The following GRIP1 variants were observed in gnomAD, a reference collection of about 807,000 sequenced individuals.
The protein encoded by GRIP1 is glutamate receptor interacting protein 1.
A neutral mutation model predicts 129.9 loss-of-function variants in GRIP1; 45 were observed. The ratio of observed to expected loss-of-function variants is 0.35; its 90% CI spans 0.27 to 0.44. The LOEUF is 0.44. Among genes scored for constraint, GRIP1 ranks in the 20% least tolerant of loss-of-function variants. The pLI, the probability that GRIP1 is intolerant of heterozygous loss-of-function variation, is 1.00. For missense variants in GRIP1, 1,196 were observed against 1,396.8 expected (o/e 0.86, Z 2.29); for synonymous variants, 530 against 520.8 (o/e 1.02, Z -0.24).
At chr12:66,732,746 T>C (rs2036478956) in intron 1 of GRIP1, among the ~76,000 whole-genome samples, 1 of 152,174 alleles carries the variant, frequency 6.6e-6, no homozygotes, top group Non-Finnish European at 1.5e-5. Flanking sequence ...GTAAGGCTTC[T>C]GGTCAACAGT....
chr12:67,054,748 A>G (rs1267307329), intron 1 of GRIP1, among the ~76,000 whole-genome samples: 1 of 151,282 alleles, frequency 6.6e-6, no homozygotes, highest in Non-Finnish European at 1.5e-5. Context: ...TGGGTGACAC[A>G]GCAAGACAGT....
At chr12:66,979,237 A>AAC (rs1566104012) in intron 1 of GRIP1, among the ~76,000 whole-genome samples, 23 of 108,366 alleles carry the variant, frequency 2.1e-4, no homozygotes, top group East Asian at 7.4e-4. Context: ...AAAAAAAAAA[A>AAC]AAAAAAAAAA....
At chr12:66,996,368 TAAAA>T (rs376907985) in intron 1 of GRIP1, among the ~76,000 whole-genome samples, 1 of 142,562 alleles carries the variant, frequency 7.0e-6, no homozygotes, top group African/African-American at 2.6e-5. Context: ...CTTTCACAAT[TAAAA>T]AAAAAAAAAG....
intron 1 of GRIP1, among the ~76,000 whole-genome samples, chr12:66,723,883 A>G (rs867846038): frequency 5.3e-5 from 8 of 152,326 alleles, no homozygotes; most frequent in African/African-American, 1.7e-4. Flanking sequence ...TGGTGTTTCA[A>G]TGAAACAGGT....
At chr12:66,357,406 G>A (rs1341297940) in intron 23 of GRIP1, among the ~76,000 whole-genome samples, 1 of 152,186 alleles carries the variant, frequency 6.6e-6, no homozygotes, top group Non-Finnish European at 1.5e-5. Context: ...TTTCAGTCGA[G>A]GTTAGCTTTG....
At chr12:66,684,504 A>C (rs914840137) in intron 1 of GRIP1, among the ~76,000 whole-genome samples, 2 of 151,874 alleles carry the variant, frequency 1.3e-5, no homozygotes, top group Admixed American at 1.3e-4. Flanking sequence ...CTTTGCTTTG[A>C]CTCTCAAATC....
At chr12:66,576,257 T>C (rs1052964975) in intron 2 of GRIP1, among the ~76,000 whole-genome samples, 5 of 152,220 alleles carry the variant, frequency 3.3e-5, no homozygotes, top group Admixed American at 3.3e-4. Flanking sequence ...GTAGAGAGGA[T>C]GGACTACCAT....
intron 3 of GRIP1, among the ~76,000 whole-genome samples, chr12:66,539,567 T>TTTTTTTTTTTA (rs2061711336): frequency 6.9e-6 from 1 of 144,828 alleles, no homozygotes; most frequent in African/African-American, 2.7e-5. Context: ...TTTTTTTTTT[T>TTTTTTTTTTTA]TTCAGTTCTT....
chr12:66,479,173 C>T (rs1283785263), intron 7 of GRIP1, among the ~76,000 whole-genome samples: 2 of 150,982 alleles, frequency 1.3e-5, no homozygotes, highest in Admixed American at 6.6e-5. Context: ...GACCACTAGC[C>T]AGACTAATAA....
chr12:66,376,124 T>C (rs961525559), intron 22 of GRIP1, among the ~76,000 whole-genome samples: 5 of 152,274 alleles, frequency 3.3e-5, no homozygotes, highest in African/African-American at 1.2e-4. Flanking sequence ...GACCTTTAAC[T>C]GTGCTCTGAA....
At chr12:66,433,161 T>C (rs923428470) in intron 13 of GRIP1, among the ~76,000 whole-genome samples, 2 of 152,184 alleles carry the variant, frequency 1.3e-5, no homozygotes, top group African/African-American at 4.8e-5. Flanking sequence ...TTTGGTGTGA[T>C]GGTTGCTGAT....
At chr12:66,530,431 C>T (rs1053597899) in intron 4 of GRIP1, among the ~76,000 whole-genome samples, 6 of 152,122 alleles carry the variant, frequency 3.9e-5, no homozygotes, top group Non-Finnish European at 7.4e-5. Context: ...TAAGACACAG[C>T]AACCCAGATG....
intron 1 of GRIP1, among the ~76,000 whole-genome samples, chr12:66,880,338 G>A (rs1436632803): frequency 6.6e-6 from 1 of 152,154 alleles, no homozygotes. Context: ...ATACAGCCAT[G>A]TTAATTAAAG....
At chr12:66,851,762 A>C (rs530879955) in intron 1 of GRIP1, among the ~76,000 whole-genome samples, 2 of 152,112 alleles carry the variant, frequency 1.3e-5, no homozygotes, top group Non-Finnish European at 2.9e-5. Flanking sequence ...ATGGCTAAGC[A>C]GGATCTTGGA....
chr12:66,554,851 C>T (rs1285468852), intron 2 of GRIP1, among the ~76,000 whole-genome samples: 1 of 152,118 alleles, frequency 6.6e-6, no homozygotes, highest in Non-Finnish European at 1.5e-5. Flanking sequence ...TTTTATTGTG[C>T]TTTGGGTACC....
At chr12:66,422,278 T>G (rs138657250) in intron 14 of GRIP1, among the ~76,000 whole-genome samples, 1 of 152,204 alleles carries the variant, frequency 6.6e-6, no homozygotes, top group Non-Finnish European at 1.5e-5. Flanking sequence ...TAATGGGACT[T>G]CATTTAATCA....
chr12:66,774,480 A>G (rs1024621894), intron 1 of GRIP1, among the ~76,000 whole-genome samples: 2 of 152,206 alleles, frequency 1.3e-5, no homozygotes, highest in African/African-American at 4.8e-5. Context: ...ACAAAATCCA[A>G]AAGAATGGAA....
intron 1 of GRIP1, among the ~76,000 whole-genome samples, chr12:66,642,944 G>A (rs1266978525): frequency 6.6e-6 from 1 of 152,136 alleles, no homozygotes; most frequent in African/African-American, 2.4e-5. Flanking sequence ...AAATAAACTA[G>A]GCTTTGACCA....
rs528236778 is a variant in GRIP1, at chr12:66,558,326, G to C, written c.137-16376C>G. Reference sequence around the variant, plus strand: ...CATGGTGGCAGGCAAGGGCGAATGAGAGAGCCAAGCAAAAAGGAAAACCTC... The same window carrying C: ...CATGGTGGCAGGCAAGGGCGAATGACAGAGCCAAGCAAAAAGGAAAACCTC... On this transcript the variant is annotated intron_variant, in intron 2 of 24. Coordinates refer to ENST00000359742, the MANE Select transcript of GRIP1 (RefSeq NM_001366722.1). 2.6e-4 allele frequency among the ~76,000 whole-genome samples: 39 copies of C among 152,278 alleles called. No homozygotes were observed. The South Asian group carries it at 7.7e-3, about 30-fold the overall frequency.
Sources: allele counts gnomAD v4.1 joint callset (sites outside exome capture counted in the v4.1 genomes callset), GRCh38; gene constraint gnomAD v4.1.1; transcripts MANE v1.5; gene names NCBI Gene and HGNC (gene_info 2026-07-23, HGNC 2026-07-21).